SETX: variants seen among roughly 807,000 people sequenced by gnomAD.
SETX encodes the protein senataxin, also known as helicase senataxin.
A neutral mutation model predicts 227.2 loss-of-function variants in SETX; 90 were observed. The ratio of observed to expected loss-of-function variants is 0.40; its 90% CI spans 0.33 to 0.47. SETX has a LOEUF of 0.47. SETX is among the 20% of genes least tolerant of loss of function. The pLI, the probability that SETX is intolerant of heterozygous loss-of-function variation, is 0.91. For synonymous variants in SETX, 1,210 were observed against 1,113.2 expected, an observed-to-expected ratio of 1.09 and a Z score of -1.73; for missense variants, 3,052 against 3,181.5, an observed-to-expected ratio of 0.96 and a Z score of 0.98.
Position 132,317,664 on chromosome 9 carries a change from T to C in SETX, c.5275-5808A>G, listed in dbSNP as rs555082162. Among the ~76,000 whole-genome samples, 6 of 152,206 alleles carry C rather than the reference T, an allele frequency of 3.9e-5. No homozygotes were observed. The East Asian group carries it at 7.7e-4, about 20-fold the overall frequency. ...TTTTTAAAGGGACAGGGTCTCACTT[T>C]GTTGTCCAGGCTGGTCTCAAGCTCC... On this transcript the variant is annotated intron_variant, in intron 10 of 25. Transcript: ENST00000224140.
intron 11 of SETX, among the ~76,000 whole-genome samples, chr9:132,310,775 C>G (rs1228595202): frequency 6.6e-6 from 1 of 152,196 alleles, no homozygotes; most frequent in Non-Finnish European, 1.5e-5. Context: ...CCTGAGAGAG[C>G]AAGACAAATC....
chr9:132,339,769 C>A (rs1424741974), intron 5 of SETX, among the ~76,000 whole-genome samples: 1 of 152,134 alleles, frequency 6.6e-6, no homozygotes, highest in Non-Finnish European at 1.5e-5. Flanking sequence ...CACACCACCA[C>A]ACCTGCCTAA....
chr9:132,320,482 T>C (rs892918082), intron 10 of SETX, among the ~76,000 whole-genome samples: 1 of 150,204 alleles, frequency 6.7e-6, no homozygotes, highest in African/African-American at 2.5e-5. Flanking sequence ...TAATCCCAGC[T>C]ACTCGGGAGG....
chr9:132,294,795 G>A (rs1844572789), intron 15 of SETX, among the ~76,000 whole-genome samples: 1 of 152,226 alleles, frequency 6.6e-6, no homozygotes, highest in Admixed American at 6.5e-5. Context: ...GCCACACATG[G>A]TGAAGCAACC....
At position 132,343,864 on chromosome 9, in the gene SETX, T is replaced by C. The variant is rs538107077; in HGVS notation, c.389-1065A>G. On this transcript the variant is annotated intron_variant, in intron 4 of 25. Transcript: ENST00000224140. ...TCTAGTTACTTTGAATTTATTGGTT[T>C]AGACAAACAGTACAGGAAATAAATC... 1.4e-3 allele frequency among the ~76,000 whole-genome samples: 219 copies of C among 152,318 alleles called. 1 individual carries two copies. Among genetic ancestry groups the C allele is most frequent in the African/African-American group, 4.9e-3 (202 of 41,574 alleles).
intron 23 of SETX, among the ~76,000 whole-genome samples, chr9:132,272,351 G>A (rs572185153): frequency 6.4e-4 from 97 of 152,082 alleles, no homozygotes; most frequent in Non-Finnish European, 1.1e-3. Context: ...GTCTTGCCAT[G>A]TTGCCCAGGC....
intron 12 of SETX, among the ~76,000 whole-genome samples, chr9:132,298,897 T>C (rs10793913): frequency 0.25 from 38,024 of 151,880 alleles, 6,055 homozygotes; most frequent in East Asian, 0.67. Flanking sequence ...AGAAAACCAT[T>C]GGGCACTCTG....
rs181683302 is a variant in SETX, at chr9:132,283,097, G to A, written c.6546+167C>T. 163 of 830,266 alleles carry A rather than the reference G, an allele frequency of 2.0e-4. No individual in the cohort carries two copies. In the African/African-American group the frequency reaches 2.6e-3, roughly 13 times the overall value. The allele number at this position is 830,266 out of a possible 1,614,324, so 51.4% of individuals were successfully genotyped here. On this transcript the variant is annotated intron_variant, in intron 19 of 25. Transcript: ENST00000224140. ...GGAAAATCCACTTTCACTATGGAGGGTCATTAAGGAGTATATTTCTACATA... is the reference window on the plus strand; with the variant it reads ...GGAAAATCCACTTTCACTATGGAGGATCATTAAGGAGTATATTTCTACATA...
intron 10 of SETX, among the ~76,000 whole-genome samples, chr9:132,318,778 C>T (rs887788855): frequency 2.0e-5 from 3 of 152,116 alleles, no homozygotes; most frequent in African/African-American, 4.8e-5. Flanking sequence ...AACTTTTCTG[C>T]CCTGCACCAC....
At chr9:132,278,013 C>T in intron 21 of SETX, 57 bp downstream of exon 21, 1 of 1,501,396 alleles carries the variant, frequency 6.7e-7, no homozygotes, top group East Asian at 2.3e-5. Context: ...AATGTCTATT[C>T]TTCATAAGTA....
In SETX at chr9:132,344,496, C is replaced by G. The variant is rs1279723749; in HGVS notation, c.389-1697G>C. 2.1e-4 allele frequency among the ~76,000 whole-genome samples: 32 copies of G among 152,180 alleles called. 1 individual carries two copies. The highest frequency in any genetic ancestry group is 2.4e-5 in the African/African-American group (1 of 41,514). ...TATGTACCAAATGCAATGTGTGGTC[C>G]CTGACTAGATTCTAATTTAAGCAAA... On this transcript the variant is annotated intron_variant, in intron 4 of 25. Transcript: ENST00000224140.
intron 23 of SETX, among the ~76,000 whole-genome samples, chr9:132,273,648 C>G (rs1843003897): frequency 6.6e-6 from 1 of 152,212 alleles, no homozygotes; most frequent in African/African-American, 2.4e-5. Flanking sequence ...TCAACTTTCA[C>G]ATATTAATCT....
At chr9:132,340,691 G>C (rs1042173007) in intron 5 of SETX, among the ~76,000 whole-genome samples, 7 of 152,244 alleles carry the variant, frequency 4.6e-5, no homozygotes, top group Non-Finnish European at 7.3e-5. Flanking sequence ...GCAATTATCA[G>C]TGGTTAATTG....
At chr9:132,330,544 T>G (rs1291902653) in intron 9 of SETX, 45 bp from the exon 10 acceptor site, 1 of 1,551,154 alleles carries the variant, frequency 6.4e-7, no homozygotes, top group Admixed American at 1.7e-5. Context: ...AAGCACCACT[T>G]ATGACAGGTT....
chr9:132,303,969 A>G (rs760271061), intron 11 of SETX, among the ~76,000 whole-genome samples: 1 of 152,090 alleles, frequency 6.6e-6, no homozygotes, highest in Non-Finnish European at 1.5e-5. Flanking sequence ...TAAAAATACA[A>G]AAATTAGTCA....
Position 132,262,586 on chromosome 9 carries a change from G to C in SETX, c.*1653C>G, listed in dbSNP as rs1405333462. 6.6e-6 allele frequency: 1 copy of C among 152,582 alleles called. No homozygotes were observed. The highest frequency in any genetic ancestry group is 1.5e-5 in the Non-Finnish European group (1 of 68,066). The allele number at this position is 152,582 out of a possible 1,614,324, so 9.5% of individuals were successfully genotyped here. ...CACAGAGGAAGCAGTGGCTGACTCT[G>C]GGGACAAAGCACTCCAGGAAGTCAC... On this transcript the variant is annotated 3_prime_UTR_variant, in exon 26 of 26. Coordinates refer to ENST00000224140, the MANE Select transcript of SETX (RefSeq NM_015046.7).
intron 15 of SETX, among the ~76,000 whole-genome samples, chr9:132,289,955 T>C (rs1019132684): frequency 2.6e-5 from 4 of 152,212 alleles, no homozygotes; most frequent in African/African-American, 9.7e-5. Flanking sequence ...ACGCCTATAA[T>C]CCCAGCACTT....
chr9:132,349,308 A>G lies in SETX; in HGVS notation c.121T>C (p.Leu41=), dbSNP rs766403221. Residue 41 remains leucine (L), a synonymous_variant, in exon 3 of 26, where the codon TTG becomes CTG. Transcript: ENST00000224140. The stretch of plus-strand genomic sequence containing the variant: ...TTGTGGTACTCAGCCACACACTCCA[A>G]GCAGTAGCAGAGGTCTTCGTCGGCT... ...QTADEDLCYC[L]ECVAEYHKAR... is the part of the protein sequence containing the mutation. The G allele has an allele frequency of 6.2e-7, 1 of 1,614,086 alleles. No homozygotes were observed. The highest frequency in any genetic ancestry group is 8.5e-7 in the Non-Finnish European group (1 of 1,180,006).
rs1330888109 is a variant in SETX, at chr9:132,329,103, T to C, written c.2495A>G (p.Gln832Arg). ...SFYSRKDTGV[Q>R]KGDGFIHNLS... Reference sequence around the variant, plus strand: ...ATTGTGTATGAAACCATCTCCTTTCTGAACTCCTGTATCTTTCCTTGAATA... The same window carrying C: ...ATTGTGTATGAAACCATCTCCTTTCCGAACTCCTGTATCTTTCCTTGAATA... The change falls in exon 10 of 26, where the codon CAG (glutamine) becomes CGG (arginine). Residue 832 changes from glutamine (Q) to arginine (R), a missense_variant. By Grantham distance (43) the Gln-to-Arg change is conservative (BLOSUM62 1). Coordinates refer to ENST00000224140, the MANE Select transcript of SETX (RefSeq NM_015046.7). 6.2e-7 allele frequency: 1 copy of C among 1,610,266 alleles called. No homozygotes were observed. Among genetic ancestry groups the C allele is most frequent in the Non-Finnish European group, 8.5e-7 (1 of 1,179,488 alleles).
Sources: allele counts gnomAD v4.1 joint callset (sites outside exome capture counted in the v4.1 genomes callset), GRCh38; gene constraint gnomAD v4.1.1; transcripts MANE v1.5; gene names NCBI Gene and HGNC (gene_info 2026-07-23, HGNC 2026-07-21).